The following TLN1 variants were observed in gnomAD, a reference collection of about 807,000 sequenced individuals.
The protein encoded by TLN1 is talin 1.
TLN1 carries 56 observed loss-of-function variants against 292.3 expected under a neutral mutation model. The observed-to-expected ratio is 0.19, with a 90% CI of 0.15 to 0.24. The LOEUF (loss-of-function observed/expected upper bound fraction) is 0.24, where lower values mean the gene tolerates loss of function less well. Ranked by LOEUF, TLN1 falls within the 10% of genes least tolerant of loss-of-function variation. The pLI is 1.00. For synonymous variants in TLN1, 1,119 were observed against 1,253.7 expected, an observed-to-expected ratio of 0.89 and a Z score of 2.27; for missense variants, 2,433 against 3,248.2, an observed-to-expected ratio of 0.75 and a Z score of 6.10.
chr9:35,699,439 T>C lies in TLN1; in HGVS notation c.6791A>G (p.Glu2264Gly). 2 of 1,613,804 alleles carry C rather than the reference T, an allele frequency of 1.2e-6. No individual in the cohort carries two copies. Among genetic ancestry groups the C allele is most frequent in the Non-Finnish European group, 1.7e-6 (2 of 1,179,812 alleles). ...ATGTCCTGTCAACTGCTGCTTCAGT[T>C]CTGGGCTTGGCTTCTGCAGGGTCTG... ...VLLTLQKPSP[E>G]LKQQLTGHSK... Residue 2264 changes from glutamate to glycine, a missense_variant, in exon 51 of 57, where the codon GAA becomes GGA. This residue lies in a region of TLN1 where 1,384 missense variants were observed against 1,699.6 expected (regional missense o/e 0.81). Transcript: ENST00000314888. The surrounding 1 kb of genome is among the most constrained non-coding windows in gnomAD (Gnocchi z 4.0).
chr9:35,717,925 G>C lies in TLN1; in HGVS notation c.1996-139C>G, dbSNP rs904123219. 14 of 1,004,064 alleles carry C rather than the reference G, an allele frequency of 1.4e-5. No homozygotes were observed. The highest frequency in any genetic ancestry group is 4.9e-5 in the African/African-American group (3 of 61,278). 62.2% of individuals were successfully genotyped at this position (1,004,064 alleles called of 1,614,324 possible). ...CGCAGAAGCAACCAGAACCTACCCCGAGCTACTGCCCTGAGCACCCAGCAG... is the reference window on the plus strand; with the variant it reads ...CGCAGAAGCAACCAGAACCTACCCCCAGCTACTGCCCTGAGCACCCAGCAG... On this transcript the variant is annotated intron_variant, in intron 17 of 56. Coordinates refer to ENST00000314888, the MANE Select transcript of TLN1 (RefSeq NM_006289.4). This position sits in a 1 kb window ranked among gnomAD's most constrained non-coding sequence, Gnocchi z 4.7.
At chr9:35,725,924 T>C (rs1411888370) in intron 1 of TLN1, among the ~76,000 whole-genome samples, 197 bp from the exon 2 acceptor site, 2 of 152,196 alleles carry the variant, frequency 1.3e-5, no homozygotes, top group African/African-American at 4.8e-5. Flanking sequence ...TGACAATTTT[T>C]TTTTTTGAGA....
chr9:35,723,920 C>T, intron 7 of TLN1, 32 bp downstream of exon 7: 2 of 1,611,872 alleles, frequency 1.2e-6, no homozygotes, highest in African/African-American at 1.3e-5. Flanking sequence ...GAGTCCTGGG[C>T]CCTGACAGGG....
chr9:35,720,357 C>T, intron 12 of TLN1, 76 bp downstream of exon 12: 3 of 1,562,360 alleles, frequency 1.9e-6, no homozygotes, highest in South Asian at 2.3e-5. Context: ...GGACTCCCCA[C>T]CTCCCAAGAG....
In TLN1 at chr9:35,719,355, T is replaced by C; in HGVS notation, c.1688-73A>G. The C allele has an allele frequency of 6.8e-7, 1 of 1,470,818 alleles. No homozygotes were observed. Among genetic ancestry groups the C allele is most frequent in the Non-Finnish European group, 9.4e-7 (1 of 1,059,848 alleles). 91.1% of individuals were successfully genotyped at this position (1,470,818 alleles called of 1,614,324 possible). On this transcript the variant is annotated intron_variant, in intron 15 of 56. Transcript: ENST00000314888. This position sits in a 1 kb window ranked among gnomAD's most constrained non-coding sequence, Gnocchi z 4.6. ...ACGAAGGGCTGGGGAGGGAGCAAAG[T>C]CACACCCAGTTAGTCACACACATGT...
chr9:35,704,431 C>T lies in TLN1; in HGVS notation c.5948G>A (p.Ser1983Asn). Residue 1983 changes from serine to asparagine, a missense_variant, in exon 45 of 57, where the codon AGC becomes AAC. By Grantham distance (46) the Ser-to-Asn change is conservative. This residue lies in a region of TLN1 where 1,384 missense variants were observed against 1,699.6 expected (regional missense o/e 0.81). Transcript: ENST00000314888. This position sits in a 1 kb window ranked among gnomAD's most constrained non-coding sequence, Gnocchi z 6.9. ...RGTQACITAASAVSGIIADLD... is the reference protein window; with the variant it reads ...RGTQACITAANAVSGIIADLD... ...GTCAGCAATGATACCAGACACAGCG[C>T]TGGCTGCTGTGATGCAGGCCTGGGT... 6.2e-7 allele frequency: 1 copy of T among 1,614,232 alleles called. No individual in the cohort carries two copies. The highest frequency in any genetic ancestry group is 1.1e-5 in the South Asian group (1 of 91,088).
At position 35,724,988 on chromosome 9, in the gene TLN1, C is replaced by T. The variant is rs1417591621; in HGVS notation, c.229-29G>A. 1 of 1,613,430 alleles carries T rather than the reference C, an allele frequency of 6.2e-7. No homozygotes were observed. Among genetic ancestry groups the T allele is most frequent in the Non-Finnish European group, 8.5e-7 (1 of 1,179,994 alleles). On this transcript the variant is annotated intron_variant, in intron 3 of 56. Transcript: ENST00000314888. This position sits in a 1 kb window ranked among gnomAD's most constrained non-coding sequence, Gnocchi z 4.7. The stretch of plus-strand genomic sequence containing the variant: ...TTAGGGCAGGAAGAAGAGACAGGGG[C>T]CTACTCTGAGCTAGGGGTATTATTT...
Position 35,705,548 on chromosome 9 carries a change from T to A in TLN1, c.5733+3A>T. On this transcript the variant is annotated splice_donor_region_variant and intron_variant, in intron 43 of 56. Coordinates refer to ENST00000314888, the MANE Select transcript of TLN1 (RefSeq NM_006289.4). ...GGCAGGGCAGAGTTGCCTCCACGTT[T>A]ACCTCTTCATTTTCAGCAGCCACCG... is the stretch of plus-strand genomic sequence containing the variant. 1 of 1,578,794 alleles carries A rather than the reference T, an allele frequency of 6.3e-7. No individual in the cohort carries two copies. The highest frequency in any genetic ancestry group is 8.6e-7 in the Non-Finnish European group (1 of 1,159,938).
At chr9:35,727,055 C>G (rs1352159911) in intron 1 of TLN1, among the ~76,000 whole-genome samples, 1 of 152,172 alleles carries the variant, frequency 6.6e-6, no homozygotes, top group Non-Finnish European at 1.5e-5. Context: ...CTCCTGGCAC[C>G]CCCTCTCAGC....
intron 48 of TLN1, among the ~76,000 whole-genome samples, chr9:35,701,200 T>C (rs1023483811): frequency 1.3e-5 from 2 of 152,048 alleles, no homozygotes; most frequent in African/African-American, 2.4e-5. Flanking sequence ...TGCAGGGGGA[T>C]GGGGCACAGA....
chr9:35,717,121 G>T lies in TLN1; in HGVS notation c.2458+25C>A, dbSNP rs373426890. The T allele has an allele frequency of 9.6e-6, 15 of 1,564,252 alleles. No homozygotes were observed. The highest frequency in any genetic ancestry group is 9.3e-5 in the Admixed American group (5 of 53,676). On this transcript the variant is annotated intron_variant, in intron 19 of 56. Transcript: ENST00000314888. This position sits in a 1 kb window ranked among gnomAD's most constrained non-coding sequence, Gnocchi z 4.7. ...TTAGGGAACCCTGGTAGGGTTTTTTGTTTTCCTGGGGGTGCGTGTCTTACC... is the reference window on the plus strand; with the variant it reads ...TTAGGGAACCCTGGTAGGGTTTTTTTTTTTCCTGGGGGTGCGTGTCTTACC...
At position 35,711,705 on chromosome 9, in the gene TLN1, C is replaced by G; in HGVS notation, c.3769G>C (p.Val1257Leu). Residue 1257 changes from valine (V) to leucine (L), a missense_variant, in exon 29 of 57, where the codon GTG becomes CTG. This residue lies in a region of TLN1 where 1,384 missense variants were observed against 1,699.6 expected (regional missense o/e 0.81). Coordinates refer to ENST00000314888, the MANE Select transcript of TLN1 (RefSeq NM_006289.4). ...AGLNQAATEL[V>L]QASRGTPQDL... ...TGAGGGGTTCCCCGAGAGGCCTGCA[C>G]CAGTTCTGTGGCTGCCTGATTCAGC... 6.2e-7 allele frequency: 1 copy of G among 1,614,138 alleles called. No individual in the cohort carries two copies. The highest frequency in any genetic ancestry group is 1.1e-5 in the South Asian group (1 of 91,076).
Position 35,722,862 on chromosome 9 carries a change from T to C in TLN1, c.842A>G (p.Gln281Arg). 6.2e-7 allele frequency: 1 copy of C among 1,613,812 alleles called. No individual in the cohort carries two copies. Among genetic ancestry groups the C allele is most frequent in the Non-Finnish European group, 8.5e-7 (1 of 1,179,752 alleles). Residue 281 changes from glutamine (Q) to arginine (R), a missense_variant and splice_region_variant, in exon 8 of 57, where the codon CAG becomes CGG. Coordinates refer to ENST00000314888, the MANE Select transcript of TLN1 (RefSeq NM_006289.4). ...ATACTTTCCCCTACCCACATTCACC[T>C]GGAAGATCTTACGCTCTCCCTTCTG... is the stretch of plus-strand genomic sequence containing the variant. ...VKQKGERKIF[Q>R]AHKNCGQMSE...
In TLN1 at chr9:35,722,125, C is replaced by T. The variant is rs758451737; in HGVS notation, c.942G>A (p.Leu314=). The T allele has an allele frequency of 3.7e-6, 6 of 1,614,068 alleles. No individual in the cohort carries two copies. Among genetic ancestry groups the T allele is most frequent in the Non-Finnish European group, 4.2e-6 (5 of 1,179,940 alleles). ...SLKTYGVSFF[L]VKEKMKGKNK... The stretch of plus-strand genomic sequence containing the variant: ...AAAAGGGCCCATAACCTACCTTCAC[C>T]AGGAAGAAGGAGACACCGTAAGTCT... The change falls in exon 9 of 57, where the codon CTG becomes CTA. Residue 314 remains leucine, a synonymous_variant. Transcript: ENST00000314888.
Position 35,711,929 on chromosome 9 carries a change from G to A in TLN1, c.3681+76C>T, listed in dbSNP as rs913035878. Reference sequence around the variant, plus strand: ...CAGATCTGGGAAGTCAGGGTCAAAGGACAACCGAGAGGGAGGAAGGAGAGG... The same window carrying A: ...CAGATCTGGGAAGTCAGGGTCAAAGAACAACCGAGAGGGAGGAAGGAGAGG... On this transcript the variant is annotated intron_variant, in intron 28 of 56. Transcript: ENST00000314888. 4.8e-5 allele frequency: 76 copies of A among 1,595,434 alleles called. 1 individual carries two copies. The Admixed American group carries it at 1.3e-3, about 27-fold the overall frequency.
chr9:35,726,147 C>T (rs985975893), intron 1 of TLN1, among the ~76,000 whole-genome samples: 4 of 152,176 alleles, frequency 2.6e-5, no homozygotes, highest in South Asian at 2.1e-4. Context: ...CTCCTGACCT[C>T]GTGATCCACC....
rs1825902482 is a variant in TLN1 at position 35,722,941 on chromosome 9, G to A, written c.783-20C>T. The A allele has an allele frequency of 6.2e-7, 1 of 1,613,014 alleles. No homozygotes were observed. The highest frequency in any genetic ancestry group is 8.5e-7 in the Non-Finnish European group (1 of 1,179,442). On this transcript the variant is annotated intron_variant, in intron 7 of 56. Transcript: ENST00000314888. ...TTCAGGCTACACCAGAAAAGGGAGGGTCAGCATGTGGTAGACAGCATCAGG... is the reference window on the plus strand; with the variant it reads ...TTCAGGCTACACCAGAAAAGGGAGGATCAGCATGTGGTAGACAGCATCAGG...
Position 35,697,905 on chromosome 9 carries a change from T to G in TLN1, c.7512A>C (p.Ala2504=). 6.2e-7 allele frequency: 1 copy of G among 1,614,206 alleles called. No individual in the cohort carries two copies. Among genetic ancestry groups the G allele is most frequent in the Non-Finnish European group, 8.5e-7 (1 of 1,180,036 alleles). ...GTTCCTTCCGAAGCATTTCTTCCTG[T>G]GCTGCGATGATCTGAGGGTGGAGAT... ...MVGGIAQIIA[A]QEEMLRKERE... The change falls in exon 57 of 57, where the codon GCA becomes GCC. Residue 2504 remains alanine, a synonymous_variant. Transcript: ENST00000314888.
chr9:35,710,222 CAAAA>C (rs68036045), intron 33 of TLN1, among the ~76,000 whole-genome samples: 3 of 67,264 alleles, frequency 4.5e-5, no homozygotes, highest in East Asian at 3.9e-4. Flanking sequence ...AACGCTGTCT[CAAAA>C]AAAAAAAAAA....
Sources: allele counts gnomAD v4.1 joint callset (sites outside exome capture counted in the v4.1 genomes callset), GRCh38; gene constraint gnomAD v4.1.1; regional missense constraint gnomAD v4.1.1; non-coding constraint Gnocchi (gnomAD v3.1); transcripts MANE v1.5; gene names NCBI Gene and HGNC (gene_info 2026-07-23, HGNC 2026-07-21).